The following CNTNAP2 variants were observed in gnomAD, a reference collection of about 807,000 sequenced individuals.
CNTNAP2 encodes contactin-associated protein-like 2.
CNTNAP2 carries 98 observed loss-of-function variants against 155.2 expected under a neutral mutation model. The observed-to-expected ratio is 0.63, with a 90% CI of 0.54 to 0.75. The LOEUF is 0.75. Among genes scored for constraint, CNTNAP2 ranks in the 30% least tolerant of loss-of-function variants. CNTNAP2 has a pLI of 0.00. For synonymous variants in CNTNAP2, 651 were observed against 631.2 expected (o/e 1.03, Z -0.47); for missense variants, 1,727 against 1,688.1 (o/e 1.02, Z -0.40).
At chr7:146,735,721 G>GCATATATATACA (rs1563209925) in intron 1 of CNTNAP2, among the ~76,000 whole-genome samples, 1 of 151,990 alleles carries the variant, frequency 6.6e-6, no homozygotes, top group African/African-American at 2.4e-5. Flanking sequence ...ATATATATGT[G>GCATATATATACA]TAGAGAATAG....
intron 1 of CNTNAP2, among the ~76,000 whole-genome samples, chr7:146,165,192 AT>A (rs546870215): frequency 2.0e-3 from 307 of 152,178 alleles, no homozygotes; most frequent in Non-Finnish European, 2.9e-3. Context: ...TTACTAATAT[AT>A]TTTTTTAAAA....
chr7:148,124,987 T>G (rs1010302369), intron 16 of CNTNAP2, among the ~76,000 whole-genome samples: 5 of 152,100 alleles, frequency 3.3e-5, no homozygotes, highest in African/African-American at 1.2e-4. Context: ...GGGAGTGTGA[T>G]GGGCGTTTGG....
intron 2 of CNTNAP2, among the ~76,000 whole-genome samples, chr7:146,798,975 T>C (rs992642567): frequency 1.3e-5 from 2 of 152,176 alleles, no homozygotes; most frequent in African/African-American, 2.4e-5. Context: ...GTAGAGACTA[T>C]AGATAAATAT....
chr7:147,293,218 A>G (rs1805351718), intron 8 of CNTNAP2, among the ~76,000 whole-genome samples: 1 of 152,226 alleles, frequency 6.6e-6, no homozygotes, highest in South Asian at 2.1e-4. Flanking sequence ...ACAATAAGGC[A>G]TTTGGCAGTT....
intron 1 of CNTNAP2, among the ~76,000 whole-genome samples, chr7:146,369,031 A>ATATATATATATATATATATACATG (rs1563057776): frequency 1.1e-5 from 1 of 88,854 alleles, no homozygotes; most frequent in Non-Finnish European, 1.9e-5. Flanking sequence ...AGCATTATGT[A>ATATATATATATATATATATACATG]TATATATATA....
chr7:146,670,204 TC>T, intron 1 of CNTNAP2, among the ~76,000 whole-genome samples: 1 of 152,154 alleles, frequency 6.6e-6, no homozygotes, highest in East Asian at 1.9e-4. Context: ...CTTTTAGTTT[TC>T]CCCAGGCAAC....
rs112911776 is a variant in CNTNAP2 at position 148,077,181 on chromosome 7, C to T, written c.2384-40937C>T. Among the ~76,000 whole-genome samples, 41 of 152,054 alleles carry T rather than the reference C, an allele frequency of 2.7e-4. 1 individual carries two copies. The highest frequency in any genetic ancestry group is 9.9e-4 in the African/African-American group (41 of 41,458). On this transcript the variant is annotated intron_variant, in intron 15 of 23. Coordinates refer to ENST00000361727, the MANE Select transcript of CNTNAP2 (RefSeq NM_014141.6). ...AATTAGCCAGGTGTGGGGGTACATG[C>T]CTGTAATCCCAGCTACTCAGGAGGC...
intron 1 of CNTNAP2, among the ~76,000 whole-genome samples, chr7:146,399,932 A>T (rs925856862): frequency 5.3e-5 from 8 of 152,140 alleles, no homozygotes; most frequent in African/African-American, 1.9e-4. Context: ...CAATTATTAT[A>T]CTAATTCTGT....
chr7:148,375,984 A>C (rs1798977294), intron 21 of CNTNAP2, among the ~76,000 whole-genome samples: 1 of 60,340 alleles, frequency 1.7e-5, no homozygotes, highest in Non-Finnish European at 4.5e-5. Flanking sequence ...TGGGTAACAG[A>C]GCAAGACTCC....
At chr7:147,296,966 G>A (rs889830007) in intron 8 of CNTNAP2, among the ~76,000 whole-genome samples, 4 of 152,104 alleles carry the variant, frequency 2.6e-5, no homozygotes, top group African/African-American at 9.7e-5. Flanking sequence ...CAGCCAGAGT[G>A]GGATGAAGAG....
chr7:147,534,787 C>A (rs369413500), intron 11 of CNTNAP2, among the ~76,000 whole-genome samples: 2 of 152,168 alleles, frequency 1.3e-5, no homozygotes, highest in African/African-American at 4.8e-5. Context: ...AAGAGCTTAG[C>A]ATTTCTATCC....
chr7:147,698,134 T>C (rs1051956375), intron 13 of CNTNAP2, among the ~76,000 whole-genome samples: 4 of 152,214 alleles, frequency 2.6e-5, no homozygotes, highest in Non-Finnish European at 5.9e-5. Context: ...TGCCCTGTGG[T>C]TTGCTCTATG....
At chr7:146,450,776 C>G (rs558511032) in intron 1 of CNTNAP2, among the ~76,000 whole-genome samples, 11 of 152,090 alleles carry the variant, frequency 7.2e-5, no homozygotes, top group African/African-American at 2.7e-4. Flanking sequence ...TTTTTTTCCT[C>G]TTGGAAAATT....
chr7:147,119,022 A>G (rs970703669), intron 5 of CNTNAP2, among the ~76,000 whole-genome samples: 1 of 152,136 alleles, frequency 6.6e-6, no homozygotes, highest in African/African-American at 2.4e-5. Context: ...AACAAGACCC[A>G]ATAGAGGAAA....
intron 4 of CNTNAP2, among the ~76,000 whole-genome samples, chr7:147,065,109 C>G (rs1799753300): frequency 2.6e-5 from 4 of 152,070 alleles, no homozygotes; most frequent in South Asian, 2.1e-4. Context: ...TAATATAAAG[C>G]CCTGTCCAAA....
At chr7:147,337,989 T>C (rs1795693408) in intron 9 of CNTNAP2, among the ~76,000 whole-genome samples, 1 of 152,268 alleles carries the variant, frequency 6.6e-6, no homozygotes, top group African/African-American at 2.4e-5. Flanking sequence ...AGAATTTGAT[T>C]TGTGGTTTTA....
At chr7:147,784,086 C>T (rs185716347) in intron 13 of CNTNAP2, among the ~76,000 whole-genome samples, 18 of 152,048 alleles carry the variant, frequency 1.2e-4, no homozygotes, top group Non-Finnish European at 5.9e-5. Context: ...CCTTTGTGTT[C>T]ACATGGAATT....
intron 3 of CNTNAP2, among the ~76,000 whole-genome samples, chr7:146,856,229 G>A (rs73740895): frequency 0.021 from 3,208 of 151,678 alleles, 106 homozygotes; most frequent in African/African-American, 0.071. Flanking sequence ...TGATAGGTAG[G>A]TAGGTAGACA....
chr7:146,295,255 G>A (rs1800494916), intron 1 of CNTNAP2, among the ~76,000 whole-genome samples: 1 of 152,110 alleles, frequency 6.6e-6, no homozygotes, highest in Non-Finnish European at 1.5e-5. Flanking sequence ...TATTTGTACT[G>A]CCAGCCTCAG....
Sources: gnomAD v4.1 joint callset for allele counts (sites outside exome capture counted in the v4.1 genomes callset) on GRCh38, gnomAD v4.1.1 for gene constraint, MANE v1.5 for transcripts, NCBI Gene and HGNC (gene_info 2026-07-23, HGNC 2026-07-21) for gene names.